Variants in CORO2B observed in about 807,000 individuals in gnomAD.
CORO2B encodes coronin-2B.
Under a neutral mutation model 58.8 loss-of-function variants are expected in CORO2B, and 26 were observed. The observed-to-expected ratio is 0.44, with a 90% CI of 0.32 to 0.61. The LOEUF is 0.61. Ranked by LOEUF, CORO2B falls within the 20% of genes least tolerant of loss-of-function variation. The pLI is 0.04. For synonymous variants in CORO2B, 242 were observed against 253.8 expected (o/e 0.95, Z 0.44); for missense variants, 460 against 645.1 (o/e 0.71, Z 3.11).
chr15:68,545,620 G>T, the CORO2B span, among the ~76,000 whole-genome samples: 4 of 139,434 alleles, frequency 2.9e-5, no homozygotes, highest in African/African-American at 1.1e-4. Flanking sequence ...GGCGGGGGGG[G>T]TAATACTGGG....
chr15:68,604,231 A>G (rs1159143387), intron 1 of CORO2B, among the ~76,000 whole-genome samples: 1 of 152,132 alleles, frequency 6.6e-6, no homozygotes, highest in Admixed American at 6.5e-5. Flanking sequence ...CCAGGGCTCC[A>G]GCATTGCTCA....
intron 2 of CORO2B, among the ~76,000 whole-genome samples, chr15:68,646,079 A>G (rs554885887): frequency 7.6e-4 from 111 of 146,658 alleles, no homozygotes; most frequent in African/African-American, 2.7e-3. Context: ...TGGCCCACTC[A>G]TTTTTTTTTT....
chr15:68,689,627 C>T (rs36088681), intron 2 of CORO2B, among the ~76,000 whole-genome samples: 39,796 of 152,036 alleles, frequency 0.26, 5,532 homozygotes, highest in African/African-American at 0.34. Flanking sequence ...AGCCAGGCTT[C>T]AGTGACAGAC....
intron 1 of CORO2B, among the ~76,000 whole-genome samples, chr15:68,593,278 C>G (rs1203543498): frequency 1.3e-5 from 2 of 152,204 alleles, no homozygotes; most frequent in African/African-American, 4.8e-5. Flanking sequence ...ATGACCTGTT[C>G]AACATTTGGT....
At chr15:68,720,532 G>C (rs72750316) in intron 11 of CORO2B, among the ~76,000 whole-genome samples, 26,520 of 152,126 alleles carry the variant, frequency 0.17, 2,857 homozygotes, top group Non-Finnish European at 0.24. Context: ...ACATCTGAAG[G>C]CTCAACTTCC....
intron 1 of CORO2B, among the ~76,000 whole-genome samples, chr15:68,609,724 A>G (rs1424446043): frequency 2.0e-5 from 3 of 152,206 alleles, no homozygotes; most frequent in Non-Finnish European, 4.4e-5. Flanking sequence ...AACCAAAGGC[A>G]TGAAAGCTAC....
intron 1 of CORO2B, among the ~76,000 whole-genome samples, chr15:68,605,969 C>T (rs1900112156): frequency 6.6e-6 from 1 of 151,740 alleles, no homozygotes; most frequent in Admixed American, 6.6e-5. Context: ...TGTGATTCGC[C>T]CACCTTGACC....
intron 1 of CORO2B, among the ~76,000 whole-genome samples, chr15:68,597,292 A>T (rs1341165834): frequency 6.6e-6 from 1 of 152,188 alleles, no homozygotes. Context: ...TTCACCAGCA[A>T]CAAAATACTA....
the CORO2B span, among the ~76,000 whole-genome samples, chr15:68,564,305 ATCT>A: frequency 3.4e-3 from 519 of 151,216 alleles, 1 homozygote; most frequent in African/African-American, 0.011. Context: ...TAGCAGTGAA[ATCT>A]TTTTTTTTTT....
chr15:68,719,171 C>T lies in CORO2B; in HGVS notation c.1108C>T (p.Pro370Ser). ...AGATTCCTACCAGGAAGACATTTAC[C>T]CAATGACACCAGGCACGGAGCCAGC... is the stretch of plus-strand genomic sequence containing the variant. ...RSDSYQEDIY[P>S]MTPGTEPALT... Residue 370 changes from proline to serine, a missense_variant, in exon 10 of 12, where the codon CCA becomes TCA. Pro to Ser is a moderately conservative substitution (Grantham distance 74). Coordinates refer to ENST00000261861, the MANE Select transcript of CORO2B (RefSeq NM_006091.5). 6.2e-7 allele frequency: 1 copy of T among 1,614,058 alleles called. No individual in the cohort carries two copies. The highest frequency in any genetic ancestry group is 2.2e-5 in the East Asian group (1 of 44,876).
intron 3 of CORO2B, among the ~76,000 whole-genome samples, chr15:68,708,111 A>G (rs1468482758): frequency 2.0e-5 from 3 of 152,184 alleles, no homozygotes; most frequent in African/African-American, 7.2e-5. Context: ...GAAACTGAGA[A>G]TGGTGCACCC....
intron 7 of CORO2B, 26 bp from the exon 8 acceptor site, chr15:68,715,189 C>G (rs749606267): frequency 6.2e-7 from 1 of 1,607,194 alleles, no homozygotes; most frequent in Non-Finnish European, 8.5e-7. Flanking sequence ...TGCCACCTTC[C>G]TCAACTCCAT....
chr15:68,654,731 T>C (rs1330712531), intron 2 of CORO2B, among the ~76,000 whole-genome samples: 3 of 152,258 alleles, frequency 2.0e-5, no homozygotes, highest in Admixed American at 6.5e-5. Context: ...TGGCCCATAG[T>C]ACGTGCTAGT....
intron 11 of CORO2B, 126 bp from the exon 12 acceptor site, chr15:68,725,717 A>G: frequency 8.5e-7 from 1 of 1,183,310 alleles, no homozygotes; most frequent in Non-Finnish European, 1.2e-6. Flanking sequence ...AAATGTATCA[A>G]GCAGTGGGAG....
At chr15:68,520,271 T>C in the CORO2B span, among the ~76,000 whole-genome samples, 2 of 152,256 alleles carry the variant, frequency 1.3e-5, no homozygotes, top group African/African-American at 4.8e-5. Flanking sequence ...CTTCTGTGTA[T>C]GCAATTAGGT....
At chr15:68,701,318 T>C (rs1892638293) in intron 3 of CORO2B, among the ~76,000 whole-genome samples, 1 of 151,880 alleles carries the variant, frequency 6.6e-6, no homozygotes, top group African/African-American at 2.4e-5. Flanking sequence ...TTCTTTTTTT[T>C]CTTTTTTTTG....
At chr15:68,522,317 T>A in the CORO2B span, among the ~76,000 whole-genome samples, 1 of 152,252 alleles carries the variant, frequency 6.6e-6, no homozygotes, top group East Asian at 1.9e-4. Context: ...CTTTCTCGTC[T>A]GAGACTCCAA....
chr15:68,632,617 G>T (rs898700294), intron 1 of CORO2B, among the ~76,000 whole-genome samples: 2 of 152,198 alleles, frequency 1.3e-5, no homozygotes, highest in South Asian at 4.1e-4. Flanking sequence ...TGGAGACAGA[G>T]TCTTGCTCTG....
chr15:68,632,278 T>C, intron 1 of CORO2B: 1 of 985,504 alleles, frequency 1.0e-6, no homozygotes, highest in Non-Finnish European at 1.2e-6. Context: ...AACTTGGATG[T>C]GCAAAGAAGA....
Sources: gnomAD v4.1 joint callset for allele counts (sites outside exome capture counted in the v4.1 genomes callset) on GRCh38, gnomAD v4.1.1 for gene constraint, MANE v1.5 for transcripts, NCBI Gene and HGNC (gene_info 2026-07-23, HGNC 2026-07-21) for gene names.